Variants in DCAF4 observed in about 807,000 individuals in gnomAD.
The protein encoded by DCAF4 is DDB1- and CUL4-associated factor 4.
Under a neutral mutation model 60.9 loss-of-function variants are expected in DCAF4, and 37 were observed. The observed-to-expected ratio is 0.61, with a 90% CI of 0.47 to 0.80. DCAF4 has a LOEUF of 0.80. Among genes scored for constraint, DCAF4 ranks in the 30% least tolerant of loss-of-function variants. The pLI is 0.00. For missense variants in DCAF4, 577 were observed against 650.0 expected (o/e 0.89, Z 1.22); for synonymous variants, 243 against 254.8 (o/e 0.95, Z 0.44).
intron 7 of DCAF4, 26 bp from the exon 8 acceptor site, chr14:72,947,116 C>T (rs1300295008): frequency 1.2e-6 from 2 of 1,613,996 alleles, no homozygotes; most frequent in African/African-American, 2.7e-5. Context: ...AATAACTTTC[C>T]ATCTCGCTGT....
intron 4 of DCAF4, among the ~76,000 whole-genome samples, chr14:72,941,494 G>A (rs1890038863): frequency 6.6e-6 from 1 of 152,118 alleles, no homozygotes; most frequent in Non-Finnish European, 1.5e-5. Flanking sequence ...CGTCCCCCCG[G>A]GTGTATGTGG....
At chr14:72,955,834 C>T (rs890028115) in intron 12 of DCAF4, 138 bp downstream of exon 12, 1 of 771,090 alleles carries the variant, frequency 1.3e-6, no homozygotes, top group African/African-American at 1.7e-5. Flanking sequence ...GATTTGTAGG[C>T]CCTGCATGGG....
In DCAF4 at chr14:72,938,084, T is replaced by C; in HGVS notation, c.92+14T>C. On this transcript the variant is annotated intron_variant, in intron 2 of 13. Coordinates refer to ENST00000358377, the MANE Select transcript of DCAF4 (RefSeq NM_015604.4). ...TTCTGAAGACAGGCAAGTGTGCCGC[T>C]CTGGGGAGCCACTTTTGCCCAGTGT... is the stretch of plus-strand genomic sequence containing the variant. 1.3e-6 allele frequency: 2 copies of C among 1,589,724 alleles called. No individual in the cohort carries two copies. The highest frequency in any genetic ancestry group is 1.7e-6 in the Non-Finnish European group (2 of 1,172,950).
chr14:72,944,273 C>T (rs947497530), intron 6 of DCAF4, among the ~76,000 whole-genome samples: 2 of 152,190 alleles, frequency 1.3e-5, no homozygotes, highest in Non-Finnish European at 2.9e-5. Context: ...GGCTTGGCAC[C>T]TGGAGAGCAG....
intron 2 of DCAF4, among the ~76,000 whole-genome samples, chr14:72,938,471 A>G (rs1276034463): frequency 6.6e-6 from 1 of 152,238 alleles, no homozygotes; most frequent in East Asian, 1.9e-4. Context: ...AGTCTCGGAC[A>G]AGGATATACA....
chr14:72,946,161 T>G, intron 7 of DCAF4, 134 bp downstream of exon 7: 1 of 1,173,204 alleles, frequency 8.5e-7, no homozygotes, highest in South Asian at 1.5e-5. Context: ...CTTGATTTTT[T>G]ACTTGAGCCT....
At chr14:72,951,731 G>A in intron 8 of DCAF4, 67 bp from the exon 9 acceptor site, 1 of 1,505,158 alleles carries the variant, frequency 6.6e-7, no homozygotes, top group Non-Finnish European at 9.2e-7. Context: ...CTTTCTGAAG[G>A]GTAAATGTCC....
intron 1 of DCAF4, among the ~76,000 whole-genome samples, chr14:72,937,619 C>T (rs1192537428): frequency 5.3e-5 from 8 of 152,058 alleles, no homozygotes; most frequent in Non-Finnish European, 8.8e-5. Context: ...TGGGGTTTCA[C>T]CATGTTGGTC....
rs1182079451 is a variant in DCAF4, at chr14:72,955,791, C to A, written c.1179+95C>A. On this transcript the variant is annotated intron_variant, in intron 12 of 13. Transcript: ENST00000358377. ...TGCTGAAGAGGTCCTCACACCAAGA[C>A]CCCAGGCAGGGGAATTTCGCTGAAG... 2.5e-6 allele frequency: 3 copies of A among 1,217,918 alleles called. No homozygotes were observed. In the African/African-American group the frequency reaches 4.5e-5, roughly 18 times the overall value. 75.4% of individuals were successfully genotyped at this position (1,217,918 alleles called of 1,614,324 possible). A position where few individuals can be genotyped will look rare whatever the true frequency, so the allele number is the denominator to read the frequency against.
intron 1 of DCAF4, among the ~76,000 whole-genome samples, chr14:72,928,187 C>CTTTTTTTTTTT (rs565229070): frequency 0.018 from 1,204 of 67,230 alleles, 228 homozygotes; most frequent in African/African-American, 0.062. Flanking sequence ...AATCCCCCCA[C>CTTTTTTTTTTT]TTTTTTTTTT....
chr14:72,929,968 A>G (rs1348535855), intron 1 of DCAF4: 1 of 759,766 alleles, frequency 1.3e-6, no homozygotes, highest in Non-Finnish European at 2.2e-6. Flanking sequence ...CGGAAGGCCA[A>G]AAATATTTTT....
chr14:72,960,236 A>G (rs1416316616), downstream of DCAF4, among the ~76,000 whole-genome samples: 1 of 146,348 alleles, frequency 6.8e-6, no homozygotes, highest in Non-Finnish European at 1.5e-5. Flanking sequence ...CGCACCCTCC[A>G]CCTCCTGGGT....
intron 2 of DCAF4, among the ~76,000 whole-genome samples, chr14:72,938,725 G>A (rs1415818097): frequency 2.6e-5 from 4 of 152,074 alleles, no homozygotes; most frequent in South Asian, 2.1e-4. Context: ...AAAAGATACA[G>A]TAAAAATAGG....
Position 72,939,830 on chromosome 14 carries a change from C to A in DCAF4, c.121C>A (p.His41Asn), listed in dbSNP as rs930797404. Residue 41 changes from histidine to asparagine, a missense_variant, in exon 3 of 14, where the codon CAC becomes AAC. Transcript: ENST00000358377. ...RSDSRAAQPA[H>N]DSGHGDDESP... Reference sequence around the variant, plus strand: ...TGACTCCCGGGCAGCACAGCCCGCTCACGATTCCGGCCACGGTGATGACGA... The same window carrying A: ...TGACTCCCGGGCAGCACAGCCCGCTAACGATTCCGGCCACGGTGATGACGA... 9 of 1,613,060 alleles carry A rather than the reference C, an allele frequency of 5.6e-6. No individual in the cohort carries two copies. The highest frequency in any genetic ancestry group is 1.7e-5 in the Admixed American group (1 of 59,922).
Position 72,940,423 on chromosome 14 carries a change from G to A in DCAF4, c.351+46G>A, listed in dbSNP as rs1456462055. On this transcript the variant is annotated intron_variant, in intron 4 of 13. Coordinates refer to ENST00000358377, the MANE Select transcript of DCAF4 (RefSeq NM_015604.4). ...CCCCCTGTCCTCTCCGCTCCTGCCAGCACCTGTCCATCCACTGTTGAAAAG... is the reference window on the plus strand; with the variant it reads ...CCCCCTGTCCTCTCCGCTCCTGCCAACACCTGTCCATCCACTGTTGAAAAG... 3.8e-6 allele frequency: 6 copies of A among 1,561,914 alleles called. 1 individual carries two copies. The East Asian group carries it at 1.4e-4, about 35-fold the overall frequency.
At chr14:72,960,960 C>T (rs550845694), downstream of DCAF4, among the ~76,000 whole-genome samples, 2 of 151,566 alleles carry the variant, frequency 1.3e-5, no homozygotes, top group Non-Finnish European at 2.9e-5. Flanking sequence ...AATTACTACT[C>T]ACTGCAGTCT....
chr14:72,955,559 A>C lies in DCAF4; in HGVS notation c.1042A>C (p.Ile348Leu). ...GTTTAATGGCTGCCGCTCTGGGGAA[A>C]TCTTTGCCATTGATCTGCGTTGTGG... The part of the protein sequence containing the change: ...LLFNGCRSGE[I>L]FAIDLRCGNQ... Residue 348 changes from isoleucine (I) to leucine (L), a missense_variant, in exon 12 of 14, where the codon ATC (isoleucine) becomes CTC (leucine). Coordinates refer to ENST00000358377, the MANE Select transcript of DCAF4 (RefSeq NM_015604.4). 2 of 1,614,124 alleles carry C rather than the reference A, an allele frequency of 1.2e-6. No homozygotes were observed. Among genetic ancestry groups the C allele is most frequent in the Non-Finnish European group, 1.7e-6 (2 of 1,179,982 alleles).
chr14:72,927,741 T>C (rs138083719), intron 1 of DCAF4, among the ~76,000 whole-genome samples: 1 of 152,308 alleles, frequency 6.6e-6, no homozygotes, highest in African/African-American at 2.4e-5. Context: ...CTGGGTGTGG[T>C]ACCTAGTCCT....
At chr14:72,956,632 G>A (rs1228696508) in intron 13 of DCAF4, 132 bp downstream of exon 13, 5 of 801,902 alleles carry the variant, frequency 6.2e-6, no homozygotes, top group African/African-American at 5.1e-5. Flanking sequence ...GGACAGCTGG[G>A]TGGGGAGACT....
Sources: allele counts gnomAD v4.1 joint callset (sites outside exome capture counted in the v4.1 genomes callset), GRCh38; gene constraint gnomAD v4.1.1; transcripts MANE v1.5; gene names NCBI Gene and HGNC (gene_info 2026-07-23, HGNC 2026-07-21).